The following PARD3 variants were observed in gnomAD, a reference collection of about 807,000 sequenced individuals.
PARD3 encodes partitioning defective 3 homolog.
PARD3 carries 75 observed loss-of-function variants against 155.4 expected under a neutral mutation model. The ratio of observed to expected loss-of-function variants is 0.48; its 90% CI spans 0.40 to 0.58. The LOEUF is 0.58. Among genes scored for constraint, PARD3 ranks in the 20% least tolerant of loss-of-function variants. The pLI, the probability that PARD3 is intolerant of heterozygous loss-of-function variation, is 0.00. For missense variants in PARD3, 1,642 were observed against 1,721.7 expected (o/e 0.95, Z 0.82); for synonymous variants, 576 against 610.5 (o/e 0.94, Z 0.83).
rs1589134013 is a variant in PARD3 at position 34,309,566 on chromosome 10, A to G, written c.3065+7541T>C. Among the ~76,000 whole-genome samples, 4 of 129,050 alleles carry G rather than the reference A, an allele frequency of 3.1e-5. No individual in the cohort carries two copies. The South Asian group carries it at 9.8e-4, about 31-fold the overall frequency. The allele number at this position is 129,050 out of a possible 152,430, so 84.7% of individuals were successfully genotyped here. A position where few individuals can be genotyped will look rare whatever the true frequency, so the allele number is the denominator to read the frequency against. ...CTGTCTCCAAAAAAAAAAAAAAAAA[A>G]AAAAAAAAAAAAAAAGGCAGACACA... On this transcript the variant is annotated intron_variant, in intron 20 of 24. Transcript: ENST00000374788.
At chr10:34,173,170 G>A (rs550023191) in intron 22 of PARD3, among the ~76,000 whole-genome samples, 59 of 152,272 alleles carry the variant, frequency 3.9e-4, no homozygotes, top group African/African-American at 1.3e-3. Flanking sequence ...TGCGGGTATC[G>A]GCTGTGTCTT....
intron 23 of PARD3, among the ~76,000 whole-genome samples, chr10:34,125,157 C>T (rs1010008660): frequency 1.3e-4 from 20 of 151,730 alleles, no homozygotes; most frequent in Non-Finnish European, 1.9e-4. Flanking sequence ...ACCTTAGCCT[C>T]CTGGGTTCAA....
chr10:34,594,212 C>G (rs757742505), intron 2 of PARD3, among the ~76,000 whole-genome samples: 1 of 152,150 alleles, frequency 6.6e-6, no homozygotes, highest in Non-Finnish European at 1.5e-5. Flanking sequence ...ACTTTCTGTT[C>G]AACCTAAGCA....
chr10:34,265,735 T>C (rs971783051), intron 22 of PARD3, among the ~76,000 whole-genome samples: 2 of 152,222 alleles, frequency 1.3e-5, no homozygotes, highest in South Asian at 2.1e-4. Context: ...GTCATTTCAC[T>C]GTCTGAATTT....
chr10:34,261,699 AG>A (rs199672548), intron 22 of PARD3, among the ~76,000 whole-genome samples: 26 of 32,876 alleles, frequency 7.9e-4, no homozygotes, highest in East Asian at 3.6e-3. Context: ...AAAGAAAGAA[AG>A]GAAGAAAGGA....
At chr10:34,278,037 G>A (rs576677662) in intron 21 of PARD3, among the ~76,000 whole-genome samples, 1 of 152,146 alleles carries the variant, frequency 6.6e-6, no homozygotes, top group South Asian at 2.1e-4. Context: ...TTTAACAATT[G>A]ATTATATTGT....
intron 1 of PARD3, among the ~76,000 whole-genome samples, chr10:34,749,500 T>A (rs1198870809): frequency 6.6e-6 from 1 of 151,430 alleles, no homozygotes; most frequent in Non-Finnish European, 1.5e-5. Context: ...ATATATAAAT[T>A]ATAACCAGTT....
rs547461652 is a variant in PARD3, at chr10:34,432,318, A to T, written c.714+17999T>A. Among the ~76,000 whole-genome samples, 420 of 141,540 alleles carry T rather than the reference A, an allele frequency of 3.0e-3. 3 individuals carry two copies. Among genetic ancestry groups the T allele is most frequent in the African/African-American group, 9.7e-3 (370 of 38,116 alleles). 92.9% of individuals were successfully genotyped at this position (141,540 alleles called of 152,430 possible). On this transcript the variant is annotated intron_variant, in intron 5 of 24. Coordinates refer to ENST00000374788, the MANE Select transcript of PARD3 (RefSeq NM_001184785.2). ...ATGAGAACAGGTGCTGTGAAAATAG[A>T]AAGATATACACGTGCACATACACAC...
chr10:34,599,552 T>C (rs1468815264), intron 2 of PARD3, among the ~76,000 whole-genome samples: 1 of 152,236 alleles, frequency 6.6e-6, no homozygotes, highest in Non-Finnish European at 1.5e-5. Context: ...TATCTTCAAG[T>C]ATTTGAATGA....
chr10:34,503,895 T>C (rs111389131), intron 3 of PARD3, among the ~76,000 whole-genome samples: 1 of 152,236 alleles, frequency 6.6e-6, no homozygotes, highest in African/African-American at 2.4e-5. Flanking sequence ...AAATAGTAGA[T>C]GATGTCATAA....
chr10:34,333,600 G>A (rs1423169694), intron 18 of PARD3, among the ~76,000 whole-genome samples: 1 of 151,988 alleles, frequency 6.6e-6, no homozygotes, highest in Admixed American at 6.6e-5. Context: ...TATACAAAAT[G>A]TCAATTATCT....
intron 2 of PARD3, among the ~76,000 whole-genome samples, chr10:34,573,734 AAAACAC>A (rs1208298239): frequency 3.0e-3 from 32 of 10,774 alleles, no homozygotes; most frequent in African/African-American, 0.012. Context: ...CAAACAAACA[AAAACAC>A]ACACACACAC....
intron 2 of PARD3, among the ~76,000 whole-genome samples, chr10:34,559,049 CA>C (rs368698148): frequency 3.3e-5 from 5 of 151,854 alleles, no homozygotes; most frequent in South Asian, 2.1e-4. Flanking sequence ...TTTTCCCCCC[CA>C]CAGAATTAGC....
intron 24 of PARD3, among the ~76,000 whole-genome samples, chr10:34,112,818 A>C (rs1334753707): frequency 6.6e-6 from 1 of 152,240 alleles, no homozygotes; most frequent in African/African-American, 2.4e-5. Context: ...CATTTTCAGT[A>C]AAGAAAATGA....
intron 1 of PARD3, among the ~76,000 whole-genome samples, chr10:34,709,610 C>T (rs1007503344): frequency 1.3e-5 from 2 of 151,798 alleles, no homozygotes; most frequent in Non-Finnish European, 2.9e-5. Flanking sequence ...TACCCCTGGG[C>T]TGAGGGGATA....
At chr10:34,641,354 C>A (rs1032993802) in intron 2 of PARD3, among the ~76,000 whole-genome samples, 1 of 152,208 alleles carries the variant, frequency 6.6e-6, no homozygotes, top group Non-Finnish European at 1.5e-5. Context: ...GCCGGGGAAG[C>A]CTGGAGGAGG....
intron 1 of PARD3, among the ~76,000 whole-genome samples, chr10:34,803,142 G>C (rs959550127): frequency 4.6e-5 from 7 of 151,552 alleles, no homozygotes; most frequent in African/African-American, 1.7e-4. Flanking sequence ...GGGAGGCTGA[G>C]GTGAGAGAAT....
chr10:34,600,765 G>A (rs2089691109), intron 2 of PARD3, among the ~76,000 whole-genome samples: 1 of 151,952 alleles, frequency 6.6e-6, no homozygotes, highest in Non-Finnish European at 1.5e-5. Context: ...TAAATACTTG[G>A]TAGGGCTACC....
At chr10:34,397,356 T>A (rs1006175972) in intron 7 of PARD3, among the ~76,000 whole-genome samples, 5 of 152,230 alleles carry the variant, frequency 3.3e-5, no homozygotes, top group African/African-American at 1.2e-4. Flanking sequence ...TCTGCTTCCA[T>A]ATGAAAATTG....
Sources: allele counts gnomAD v4.1 joint callset (sites outside exome capture counted in the v4.1 genomes callset), GRCh38; gene constraint gnomAD v4.1.1; transcripts MANE v1.5; gene names NCBI Gene and HGNC (gene_info 2026-07-23, HGNC 2026-07-21).